CHGB: variants seen among roughly 807,000 people sequenced by gnomAD.
The protein encoded by CHGB is chromogranin B.
Under a neutral mutation model 69.9 loss-of-function variants are expected in CHGB, and 46 were observed. The ratio of observed to expected loss-of-function variants is 0.66; its 90% CI spans 0.52 to 0.84. The LOEUF (loss-of-function observed/expected upper bound fraction) is 0.84. Ranked by LOEUF, CHGB falls within the 40% of genes least tolerant of loss-of-function variation. The pLI is 0.00. For missense variants in CHGB, 796 were observed against 822.2 expected, an observed-to-expected ratio of 0.97 and a Z score of 0.39; for synonymous variants, 312 against 298.2, an observed-to-expected ratio of 1.05 and a Z score of -0.48.
At position 5,916,873 on chromosome 20, in the gene CHGB, C is replaced by A; in HGVS notation, c.144C>A (p.Ser48=). Residue 48 remains serine (S), a synonymous_variant, in exon 3 of 5, where the codon TCC becomes TCA. Coordinates refer to ENST00000378961, the MANE Select transcript of CHGB (RefSeq NM_001819.3). ...IEVLSNALSK[S]SAPPITPECR... is the part of the protein sequence containing the mutation. ...TCCTCTCAAATGCCTTGTCGAAGTC[C>A]AGCGCTCCACCCATCACCCCTGAGT... 2 of 1,614,172 alleles carry A rather than the reference C, an allele frequency of 1.2e-6. No individual in the cohort carries two copies. Among genetic ancestry groups the A allele is most frequent in the Non-Finnish European group, 1.7e-6 (2 of 1,180,018 alleles).
intron 3 of CHGB, among the ~76,000 whole-genome samples, chr20:5,919,961 T>C (rs1270464442): frequency 6.6e-6 from 1 of 152,262 alleles, no homozygotes; most frequent in African/African-American, 2.4e-5. Context: ...GTCTAATTTC[T>C]TCACAGGTAC....
At chr20:5,914,132 A>G (rs1390768830) in intron 1 of CHGB, among the ~76,000 whole-genome samples, 1 of 151,916 alleles carries the variant, frequency 6.6e-6, no homozygotes. Context: ...TTTTTCGTAT[A>G]TACCTACAGA....
At chr20:5,918,165 A>AAAAC (rs2088489961) in intron 3 of CHGB, among the ~76,000 whole-genome samples, 2 of 141,560 alleles carry the variant, frequency 1.4e-5, no homozygotes, top group East Asian at 2.0e-4. Context: ...AAAAAAAAAA[A>AAAAC]AAAAAACTCT....
rs2122578940 is a variant in CHGB at position 5,923,907 on chromosome 20, A to T, written c.1763A>T (p.Asn588Ile). 1 of 1,614,140 alleles carries T rather than the reference A, an allele frequency of 6.2e-7. No individual in the cohort carries two copies. Among genetic ancestry groups the T allele is most frequent in the South Asian group, 1.1e-5 (1 of 91,078 alleles). The change falls in exon 4 of 5, where the codon AAC becomes ATC. Residue 588 changes from asparagine (N) to isoleucine (I), a missense_variant. Coordinates refer to ENST00000378961, the MANE Select transcript of CHGB (RefSeq NM_001819.3). ...EDVNWGYEKR[N>I]LARVPKLDLK... ...GTGAACTGGGGGTATGAGAAGAGAAACCTCGCCAGGGTCCCCAAGCTGGAC... is the reference window on the plus strand; with the variant it reads ...GTGAACTGGGGGTATGAGAAGAGAATCCTCGCCAGGGTCCCCAAGCTGGAC...
At position 5,922,419 on chromosome 20, in the gene CHGB, C is replaced by T; in HGVS notation, c.275C>T (p.Ala92Val). The T allele has an allele frequency of 6.2e-7, 1 of 1,609,146 alleles. No homozygotes were observed. The highest frequency in any genetic ancestry group is 8.5e-7 in the Non-Finnish European group (1 of 1,175,894). ...EVRLLRDPAD[A>V]SEAHESSSRG... ...AGATTGTTAAGAGACCCAGCTGATG[C>T]CTCGGAAGCCCACGAGTCCTCCAGC... Residue 92 changes from alanine to valine, a missense_variant, in exon 4 of 5, where the codon GCC (alanine) becomes GTC (valine). Transcript: ENST00000378961.
At position 5,912,486 on chromosome 20, in the gene CHGB, TAA is replaced by T. The variant is rs10711879; in HGVS notation, c.49+814_49+815del. Among the ~76,000 whole-genome samples the T allele has an allele frequency of 1.2e-3, 181 of 150,046 alleles. 1 individual carries two copies. Among genetic ancestry groups the T allele is most frequent in the African/African-American group, 4.1e-3 (170 of 41,040 alleles). On this transcript the variant is annotated intron_variant, in intron 1 of 4. Transcript: ENST00000378961. ...AACCACAAAAGTTCCTTTGGAGTAG[TAA>T]AAAAAAAAATGTTTTAGCCAATTTA... is the stretch of plus-strand genomic sequence containing the variant.
At chr20:5,916,495 G>A in intron 2 of CHGB, 123 bp downstream of exon 2, 1 of 865,152 alleles carries the variant, frequency 1.2e-6, no homozygotes, top group South Asian at 1.6e-5. Context: ...TTTCATTGCT[G>A]ACAGAATGTG....
intron 3 of CHGB, among the ~76,000 whole-genome samples, chr20:5,918,520 G>C (rs2088492529): frequency 6.6e-6 from 1 of 151,934 alleles, no homozygotes; most frequent in African/African-American, 2.4e-5. Context: ...TTGGCCAAAA[G>C]AGTAACCTGA....
At chr20:5,918,789 G>A (rs956128946) in intron 3 of CHGB, among the ~76,000 whole-genome samples, 2 of 112,782 alleles carry the variant, frequency 1.8e-5, no homozygotes, top group Non-Finnish European at 3.3e-5. Context: ...TCCAGCCTCA[G>A]TGACAGAGCG....
At chr20:5,916,540 G>C (rs236145) in intron 2 of CHGB, among the ~76,000 whole-genome samples, 168 bp downstream of exon 2, 116,043 of 152,162 alleles carry the variant, frequency 0.76, 44,441 homozygotes, top group African/African-American at 0.82. Flanking sequence ...GAGCTCCTAT[G>C]TCCTGTCAGG....
chr20:5,915,171 G>A (rs754853977), intron 1 of CHGB, among the ~76,000 whole-genome samples: 63 of 152,068 alleles, frequency 4.1e-4, no homozygotes, highest in Non-Finnish European at 7.6e-4. Context: ...TGTTCTAATA[G>A]AAAGGGCTTA....
At position 5,922,715 on chromosome 20, in the gene CHGB, C is replaced by G; in HGVS notation, c.571C>G (p.Pro191Ala). 1 of 1,614,028 alleles carries G rather than the reference C, an allele frequency of 6.2e-7. No individual in the cohort carries two copies. ...DSSEEKHLEE[P>A]GETQNAFLNE... Reference sequence around the variant, plus strand: ...CAGTGAAGAGAAACACCTTGAAGAGCCAGGAGAGACACAAAACGCTTTTCT... The same window carrying G: ...CAGTGAAGAGAAACACCTTGAAGAGGCAGGAGAGACACAAAACGCTTTTCT... Residue 191 changes from proline to alanine, a missense_variant, in exon 4 of 5, where the codon CCA (proline) becomes GCA (alanine). Pro to Ala is a conservative substitution (Grantham distance 27). Around this residue, in one of 3 missense-constraint regions of CHGB, gnomAD observed 518 missense variants for 506.3 expected, o/e 1.02. Coordinates refer to ENST00000378961, the MANE Select transcript of CHGB (RefSeq NM_001819.3).
chr20:5,923,261 C>G lies in CHGB; in HGVS notation c.1117C>G (p.Pro373Ala). 6.2e-7 allele frequency: 1 copy of G among 1,613,748 alleles called. No homozygotes were observed. The highest frequency in any genetic ancestry group is 1.3e-5 in the African/African-American group (1 of 74,998). Residue 373 changes from proline to alanine, a missense_variant, in exon 4 of 5, where the codon CCA (proline) becomes GCA (alanine). Pro to Ala is a conservative substitution (Grantham distance 27). Coordinates refer to ENST00000378961, the MANE Select transcript of CHGB (RefSeq NM_001819.3). ...RGRGSEEYRA[P>A]RPQSEESWDE... ...CAGAGGAAGTGAAGAATACAGGGCT[C>G]CAAGACCTCAGAGTGAGGAGAGTTG...
Position 5,923,074 on chromosome 20 carries a change from A to G in CHGB, c.930A>G (p.Glu310=). 1 of 1,614,088 alleles carries G rather than the reference A, an allele frequency of 6.2e-7. No individual in the cohort carries two copies. Among genetic ancestry groups the G allele is most frequent in the Non-Finnish European group, 8.5e-7 (1 of 1,180,006 alleles). Reference sequence around the variant, plus strand: ...AGGAAAAGGGACACCCCCAGGAGGAATCTGAGGAGTCAAACGTCAGCATGG... The same window carrying G: ...AGGAAAAGGGACACCCCCAGGAGGAGTCTGAGGAGTCAAACGTCAGCATGG... The part of the protein sequence containing the change: ...PSEEKGHPQE[E]SEESNVSMAS... The change falls in exon 4 of 5, where the codon GAA becomes GAG. Residue 310 remains glutamate, a synonymous_variant. Transcript: ENST00000378961.
rs979440144 is a variant in CHGB, at chr20:5,920,531, G to C, written c.191-1804G>C. Among the ~76,000 whole-genome samples the C allele has an allele frequency of 1.4e-4, 21 of 152,180 alleles. 1 individual carries two copies. Among genetic ancestry groups the C allele is most frequent in the African/African-American group, 4.3e-4 (18 of 41,432 alleles). On this transcript the variant is annotated intron_variant, in intron 3 of 4. Transcript: ENST00000378961. ...TGTCACTGTATCCTCATCTGGTGGA[G>C]ACAGAAATCATCTCTTTCTCATATC...
At position 5,922,427 on chromosome 20, in the gene CHGB, G is replaced by A; in HGVS notation, c.283G>A (p.Ala95Thr). ...AAGAGACCCAGCTGATGCCTCGGAA[G>A]CCCACGAGTCCTCCAGCAGGGGAGA... Reference protein sequence around the residue: ...LLRDPADASEAHESSSRGEAG... With the variant: ...LLRDPADASETHESSSRGEAG... Residue 95 changes from alanine to threonine, a missense_variant, in exon 4 of 5, where the codon GCC becomes ACC. This residue lies in a region of CHGB where 518 missense variants were observed against 506.3 expected (regional missense o/e 1.02). Coordinates refer to ENST00000378961, the MANE Select transcript of CHGB (RefSeq NM_001819.3). 6.2e-7 allele frequency: 1 copy of A among 1,611,498 alleles called. No homozygotes were observed. Among genetic ancestry groups the A allele is most frequent in the Non-Finnish European group, 8.5e-7 (1 of 1,177,726 alleles).
chr20:5,916,226 G>T, intron 1 of CHGB, 100 bp from the exon 2 acceptor site: 1 of 839,222 alleles, frequency 1.2e-6, no homozygotes, highest in East Asian at 2.6e-5. Context: ...ACATTGCCAG[G>T]GGAAAAACAA....
chr20:5,912,614 T>A (rs932724158), intron 1 of CHGB, among the ~76,000 whole-genome samples: 5 of 152,078 alleles, frequency 3.3e-5, no homozygotes, highest in African/African-American at 1.2e-4. Context: ...AAACAAATGA[T>A]CTCTGAAGAT....
chr20:5,916,433 C>A, intron 2 of CHGB, 61 bp downstream of exon 2: 1 of 1,373,144 alleles, frequency 7.3e-7, no homozygotes, highest in African/African-American at 1.4e-5. Flanking sequence ...TTCTCCCAGT[C>A]CCTATTATAC....
Sources: gnomAD v4.1 joint callset for allele counts (sites outside exome capture counted in the v4.1 genomes callset) on GRCh38, gnomAD v4.1.1 for gene constraint, gnomAD v4.1.1 regional missense constraint, MANE v1.5 for transcripts, NCBI Gene and HGNC (gene_info 2026-07-23, HGNC 2026-07-21) for gene names.